PHLDB2: variants seen among roughly 807,000 people sequenced by gnomAD.
PHLDB2 encodes the protein pleckstrin homology like domain family B member 2.
In PHLDB2, 71 loss-of-function variants were observed where a neutral mutation model predicts 123.6. The ratio of observed to expected loss-of-function variants is 0.57; its 90% CI spans 0.47 to 0.70. PHLDB2 has a LOEUF of 0.70. PHLDB2 is among the 30% of genes least tolerant of loss of function. PHLDB2 has a pLI of 0.00. For missense variants in PHLDB2, 1,446 were observed against 1,519.5 expected (o/e 0.95, Z 0.80); for synonymous variants, 547 against 541.6 (o/e 1.01, Z -0.14).
chr3:111,954,170 C>T (rs750044998), intron 12 of PHLDB2, 141 bp downstream of exon 12: 7 of 647,134 alleles, frequency 1.1e-5, no homozygotes, highest in South Asian at 8.3e-5. Context: ...TGTTCTCTTT[C>T]GGGAGGGATA....
In PHLDB2 at chr3:111,788,522, G is replaced by T. The variant is rs538918405; in HGVS notation, c.-49+55819G>T. ...AAGAAGATCTTTATAAAGACCCTTTGTCTCTTCTCCTGTTTACTTCTCCCA... is the reference window on the plus strand; with the variant it reads ...AAGAAGATCTTTATAAAGACCCTTTTTCTCTTCTCCTGTTTACTTCTCCCA... On this transcript the variant is annotated intron_variant, in intron 1 of 17. Transcript: ENST00000393923. Among the ~76,000 whole-genome samples the T allele has an allele frequency of 2.0e-5, 3 of 152,308 alleles. No individual in the cohort carries two copies. The South Asian group carries it at 6.2e-4, about 32-fold the overall frequency.
At position 111,913,554 on chromosome 3, in the gene PHLDB2, G is replaced by C. The variant is rs770455991; in HGVS notation, c.1571G>C (p.Ser524Thr). The C allele has an allele frequency of 6.2e-7, 1 of 1,614,166 alleles. No individual in the cohort carries two copies. Among genetic ancestry groups the C allele is most frequent in the Non-Finnish European group, 8.5e-7 (1 of 1,180,020 alleles). The part of the protein sequence containing the change: ...LPDADLASCG[S>T]LSQSSASFFT... ...GATGCAGACTTGGCAAGCTGTGGGAGTCTCAGTCAGAGCAGTGCCAGCTTC... is the reference window on the plus strand; with the variant it reads ...GATGCAGACTTGGCAAGCTGTGGGACTCTCAGTCAGAGCAGTGCCAGCTTC... The change falls in exon 3 of 18, where the codon AGT (serine) becomes ACT (threonine). Residue 524 changes from serine (S) to threonine (T), a missense_variant. By Grantham distance (58) the Ser-to-Thr change is moderately conservative. Around this residue, in one of 3 missense-constraint regions of PHLDB2, gnomAD observed 832 missense variants for 831.9 expected, o/e 1.00. Transcript: ENST00000431670.
At chr3:111,859,158 G>C, upstream of PHLDB2, 1 of 984,522 alleles carries the variant, frequency 1.0e-6, no homozygotes, top group African/African-American at 1.7e-5. Flanking sequence ...GTCACCTGGA[G>C]TTTCCCAATA....
At chr3:111,867,687 A>G (rs575931222) in intron 1 of PHLDB2, among the ~76,000 whole-genome samples, 4 of 152,006 alleles carry the variant, frequency 2.6e-5, no homozygotes, top group East Asian at 1.9e-4. Flanking sequence ...ATTGTCTCAT[A>G]TGTCTTTTTT....
intron 2 of PHLDB2, among the ~76,000 whole-genome samples, chr3:111,895,951 A>G (rs1055811873): frequency 1.3e-5 from 2 of 152,034 alleles, no homozygotes; most frequent in African/African-American, 4.8e-5. Flanking sequence ...TTCTGGTAAA[A>G]GTGGTCCCCA....
At chr3:111,878,164 T>C (rs1157829407) in intron 1 of PHLDB2, among the ~76,000 whole-genome samples, 1 of 152,244 alleles carries the variant, frequency 6.6e-6, no homozygotes, top group Non-Finnish European at 1.5e-5. Flanking sequence ...TTTCACAATA[T>C]TGATTATTCC....
chr3:111,893,165 T>G (rs1476106641), intron 2 of PHLDB2, among the ~76,000 whole-genome samples: 1 of 152,168 alleles, frequency 6.6e-6, no homozygotes, highest in Non-Finnish European at 1.5e-5. Flanking sequence ...TTGACAATAT[T>G]TTTTGTTTGA....
At chr3:111,789,484 T>G (rs1460097402) in intron 1 of PHLDB2, among the ~76,000 whole-genome samples, 1 of 152,222 alleles carries the variant, frequency 6.6e-6, no homozygotes, top group Admixed American at 6.5e-5. Context: ...AGAAGAAAGA[T>G]TTAACTGCTC....
intron 1 of PHLDB2, among the ~76,000 whole-genome samples, chr3:111,845,613 G>A (rs1443535853): frequency 6.6e-6 from 1 of 152,136 alleles, no homozygotes; most frequent in African/African-American, 2.4e-5. Flanking sequence ...CAGTGGTGCT[G>A]GTGGTGGCGA....
At chr3:111,739,670 C>T (rs1034640509) in intron 1 of PHLDB2, among the ~76,000 whole-genome samples, 2 of 151,608 alleles carry the variant, frequency 1.3e-5, no homozygotes, top group Non-Finnish European at 1.5e-5. Flanking sequence ...TCACCCCTGT[C>T]TCCCTGCCTC....
intron 1 of PHLDB2, among the ~76,000 whole-genome samples, chr3:111,733,154 A>G (rs1365596940): frequency 6.6e-6 from 1 of 152,186 alleles, no homozygotes; most frequent in East Asian, 1.9e-4. Flanking sequence ...GTCCATTCAC[A>G]GGGCTGTCAA....
chr3:111,934,097 C>A (rs1221793160), intron 6 of PHLDB2, among the ~76,000 whole-genome samples: 1 of 152,154 alleles, frequency 6.6e-6, no homozygotes, highest in East Asian at 1.9e-4. Flanking sequence ...CAGTCTTTTC[C>A]ATTAATTGAA....
intron 1 of PHLDB2, among the ~76,000 whole-genome samples, chr3:111,791,425 C>T: frequency 6.6e-6 from 1 of 152,124 alleles, no homozygotes; most frequent in Non-Finnish European, 1.5e-5. Flanking sequence ...ATTGTTAGTG[C>T]CCCCATTTTA....
intron 1 of PHLDB2, among the ~76,000 whole-genome samples, chr3:111,832,343 GA>G (rs76777283): frequency 0.14 from 21,845 of 151,328 alleles, 1,740 homozygotes; most frequent in Admixed American, 0.17. Flanking sequence ...TTAATGGTAT[GA>G]AATTTGCAAA....
intron 1 of PHLDB2, among the ~76,000 whole-genome samples, chr3:111,874,468 C>T (rs1413383925): frequency 6.6e-6 from 1 of 152,106 alleles, no homozygotes; most frequent in African/African-American, 2.4e-5. Flanking sequence ...AAAGAAACCC[C>T]AAATCTCAGG....
At chr3:111,859,640 C>G in intron 1 of PHLDB2, 64 bp downstream of exon 1, 1 of 984,786 alleles carries the variant, frequency 1.0e-6, no homozygotes, top group Non-Finnish European at 1.2e-6. Flanking sequence ...GCCAGGAGTG[C>G]GTCCCGGGGA....
intron 2 of PHLDB2, among the ~76,000 whole-genome samples, chr3:111,894,054 T>TC (rs2066664411): frequency 1.5e-5 from 1 of 66,850 alleles, no homozygotes; most frequent in Non-Finnish European, 2.7e-5. Flanking sequence ...ATGCTATCCC[T>TC]CCCCCCTCCC....
At chr3:111,734,856 G>A (rs1941633498) in intron 1 of PHLDB2, among the ~76,000 whole-genome samples, 1 of 152,212 alleles carries the variant, frequency 6.6e-6, no homozygotes, top group Non-Finnish European at 1.5e-5. Context: ...ACAGTCAGAA[G>A]TTCTGAAGTT....
chr3:111,802,524 A>T (rs978177388), intron 1 of PHLDB2, among the ~76,000 whole-genome samples: 1 of 152,180 alleles, frequency 6.6e-6, no homozygotes, highest in African/African-American at 2.4e-5. Flanking sequence ...ACTCTCATTT[A>T]TTTCCATGCT....
Sources: gnomAD v4.1 joint callset for allele counts (sites outside exome capture counted in the v4.1 genomes callset) on GRCh38, gnomAD v4.1.1 for gene constraint, gnomAD v4.1.1 regional missense constraint, MANE v1.5 for transcripts, NCBI Gene and HGNC (gene_info 2026-07-23, HGNC 2026-07-21) for gene names.